Variants in PCDHA2 observed in about 807,000 individuals in gnomAD.
PCDHA2 encodes the protein protocadherin alpha 2.
PCDHA2 carries 58 observed loss-of-function variants against 66.0 expected under a neutral mutation model. The observed-to-expected ratio is 0.88, with a 90% confidence interval of 0.71 to 1.09. The LOEUF (loss-of-function observed/expected upper bound fraction) is 1.09. Ranked by LOEUF, PCDHA2 falls within the 50% of genes least tolerant of loss-of-function variation. The pLI is 0.00. For synonymous variants in PCDHA2, 634 were observed against 554.0 expected, an observed-to-expected ratio of 1.14 and a Z score of -2.03; for missense variants, 1,267 against 1,242.3, an observed-to-expected ratio of 1.02 and a Z score of -0.30.
Position 140,843,367 on chromosome 5 carries a change from G to A in PCDHA2, c.2388+46015G>A, listed in dbSNP as rs2150358389. The stretch of plus-strand genomic sequence containing the variant: ...AGGCTCCAAAAGCGTCATCGAGGCA[G>A]TCGGCTGGCGTTTTGGGTCCGGAAG... On this transcript the variant is annotated intron_variant, in intron 1 of 3. Coordinates refer to ENST00000526136, the MANE Select transcript of PCDHA2 (RefSeq NM_018905.3). 3 of 1,596,142 alleles carry A rather than the reference G, an allele frequency of 1.9e-6. No homozygotes were observed. In the East Asian group the frequency reaches 6.7e-5, roughly 36 times the overall value.
intron 1 of PCDHA2, chr5:140,858,292 C>T (rs1554151391): frequency 6.3e-7 from 1 of 1,597,508 alleles, no homozygotes; most frequent in East Asian, 2.2e-5. Context: ...GCTGGTCTTA[C>T]TCGCAGCAGA....
chr5:140,870,528 A>T, intron 1 of PCDHA2: 11 of 1,614,214 alleles, frequency 6.8e-6, no homozygotes, highest in Non-Finnish European at 7.6e-6. Context: ...ACATCTTCAC[A>T]GTGTCGGCGC....
intron 1 of PCDHA2, chr5:140,869,322 C>T (rs1169893950): frequency 1.9e-6 from 3 of 1,613,818 alleles, no homozygotes; most frequent in East Asian, 4.5e-5. Flanking sequence ...CACATGGGGA[C>T]CTTCTGGAGG....
At chr5:140,950,131 C>G (rs1030150193) in intron 1 of PCDHA2, among the ~76,000 whole-genome samples, 6 of 151,858 alleles carry the variant, frequency 4.0e-5, no homozygotes, top group Non-Finnish European at 7.4e-5. Flanking sequence ...CCACAAGACA[C>G]AGTTATAATT....
chr5:140,968,521 C>G, intron 1 of PCDHA2: 1 of 1,614,180 alleles, frequency 6.2e-7, no homozygotes, highest in Non-Finnish European at 8.5e-7. Context: ...CTACCTCAAC[C>G]AACTCGTCAG....
intron 1 of PCDHA2, among the ~76,000 whole-genome samples, chr5:140,949,594 G>C (rs914390039): frequency 6.6e-6 from 1 of 151,450 alleles, no homozygotes; most frequent in African/African-American, 2.4e-5. Context: ...ATATTAATGT[G>C]GCCATTCTAG....
At chr5:140,947,530 CAATTTCTACAAAG>C (rs2094141786) in intron 1 of PCDHA2, among the ~76,000 whole-genome samples, 1 of 151,588 alleles carries the variant, frequency 6.6e-6, no homozygotes, top group African/African-American at 2.4e-5. Flanking sequence ...ATCAACTTTT[CAATTTCTACAAAG>C]AATTCCGCTG....
intron 3 of PCDHA2, among the ~76,000 whole-genome samples, chr5:140,989,861 C>G (rs1449611550): frequency 6.6e-6 from 1 of 152,042 alleles, no homozygotes; most frequent in Non-Finnish European, 1.5e-5. Context: ...GGAGAGGAAT[C>G]TTTCTCTGCC....
rs931844758 is a variant in PCDHA2 at position 140,867,293 on chromosome 5, A to G, written c.2388+69941A>G. 2.6e-5 allele frequency: 4 copies of G among 152,096 alleles called. No homozygotes were observed. The South Asian group carries it at 6.2e-4, about 24-fold the overall frequency. The allele number at this position is 152,096 out of a possible 1,614,324, so 9.4% of individuals were successfully genotyped here. The stretch of plus-strand genomic sequence containing the variant: ...ATAAACCTGATGTGCTTCAAATATC[A>G]TGTTGAATATACTGTCATCTGGTCT... On this transcript the variant is annotated intron_variant, in intron 1 of 3. Coordinates refer to ENST00000526136, the MANE Select transcript of PCDHA2 (RefSeq NM_018905.3).
intron 1 of PCDHA2, chr5:140,928,189 G>A (rs1563102575): frequency 2.5e-6 from 4 of 1,614,214 alleles, no homozygotes; most frequent in Non-Finnish European, 3.4e-6. Context: ...GACAATCACT[G>A]TGTCAGTTGC....
At position 140,850,723 on chromosome 5, in the gene PCDHA2, G is replaced by T. The variant is rs2150495847; in HGVS notation, c.2388+53371G>T. 3.1e-5 allele frequency: 49 copies of T among 1,597,922 alleles called. 7 individuals carry two copies. The highest frequency in any genetic ancestry group is 4.2e-5 in the Non-Finnish European group (49 of 1,167,668). The stretch of plus-strand genomic sequence containing the variant: ...GGCAAGCCGACGCTGGTGTGTTCTA[G>T]CGCGGTGGGGAGTTGGTCGTACTCG... On this transcript the variant is annotated intron_variant, in intron 1 of 3. Transcript: ENST00000526136.
Position 140,801,445 on chromosome 5 carries a change from T to C in PCDHA2, c.2388+4093T>C, listed in dbSNP as rs546691914. ...CTGGAGGTAAATCTGCAGAATGGCA[T>C]TTTGTTTGTGAATTCTCGGATAGAC... On this transcript the variant is annotated intron_variant, in intron 1 of 3. Transcript: ENST00000526136. 1.9e-6 allele frequency: 3 copies of C among 1,613,942 alleles called. No homozygotes were observed. In the East Asian group the frequency reaches 6.7e-5, roughly 36 times the overall value.
At chr5:140,893,510 G>A (rs1554185640) in intron 1 of PCDHA2, among the ~76,000 whole-genome samples, 1 of 152,148 alleles carries the variant, frequency 6.6e-6, no homozygotes, top group African/African-American at 2.4e-5. Flanking sequence ...AAAAAAAGCA[G>A]TTGTAGAACT....
chr5:140,947,020 G>A (rs782772876), intron 1 of PCDHA2, among the ~76,000 whole-genome samples: 3 of 151,616 alleles, frequency 2.0e-5, no homozygotes, highest in Non-Finnish European at 4.4e-5. Flanking sequence ...AATGTTTGAG[G>A]TAATGGATAT....
chr5:140,884,792 G>A, intron 1 of PCDHA2: 1 of 1,312,776 alleles, frequency 7.6e-7, no homozygotes. Flanking sequence ...AGTTGTTATC[G>A]AATTTAACAA....
intron 1 of PCDHA2, among the ~76,000 whole-genome samples, chr5:140,833,392 A>G (rs1162626045): frequency 6.6e-6 from 1 of 152,232 alleles, no homozygotes; most frequent in Admixed American, 6.5e-5. Context: ...GAAATACCTC[A>G]AGACTTGATC....
intron 1 of PCDHA2, among the ~76,000 whole-genome samples, chr5:140,972,693 C>A (rs1358194667): frequency 2.3e-5 from 3 of 130,312 alleles, no homozygotes; most frequent in East Asian, 4.7e-4. Flanking sequence ...GAGATGGAGT[C>A]TCACTCTGTT....
At chr5:140,869,418 C>G in intron 1 of PCDHA2, 1 of 1,614,174 alleles carries the variant, frequency 6.2e-7, no homozygotes, top group Non-Finnish European at 8.5e-7. Flanking sequence ...GCAGCATCCA[C>G]CTGGAGGTGA....
intron 1 of PCDHA2, among the ~76,000 whole-genome samples, chr5:140,965,073 TCTGA>T (rs1372324599): frequency 1.3e-5 from 2 of 152,186 alleles, no homozygotes; most frequent in African/African-American, 4.8e-5. Context: ...CAGGTCTCAC[TCTGA>T]CTTTGTTCCA....
Sources: allele counts gnomAD v4.1 joint callset (sites outside exome capture counted in the v4.1 genomes callset), GRCh38; gene constraint gnomAD v4.1.1; transcripts MANE v1.5; gene names NCBI Gene and HGNC (gene_info 2026-07-23, HGNC 2026-07-21).